The following PCARE variants were observed in gnomAD, a reference collection of about 807,000 sequenced individuals.
PCARE encodes uncharacterized protein C2orf71.
PCARE carries 72 observed loss-of-function variants against 82.2 expected under a neutral mutation model. The ratio of observed to expected loss-of-function variants is 0.88; its 90% confidence interval spans 0.72 to 1.07. The LOEUF is 1.07. Ranked by LOEUF, PCARE falls within the 50% of genes least tolerant of loss-of-function variation. The probability of loss-of-function intolerance (pLI) is 0.00; values close to 1 mark genes in which losing one functional copy is unlikely to be tolerated. For synonymous variants in PCARE, 705 were observed against 634.8 expected (o/e 1.11, Z -1.66); for missense variants, 1,768 against 1,592.4 (o/e 1.11, Z -1.88).
Position 29,073,787 on chromosome 2 carries a change from G to A in PCARE, c.475C>T (p.His159Tyr). 1 of 1,614,214 alleles carries A rather than the reference G, an allele frequency of 6.2e-7. No individual in the cohort carries two copies. The highest frequency in any genetic ancestry group is 8.5e-7 in the Non-Finnish European group (1 of 1,180,048). The change falls in exon 1 of 2, where the codon CAC becomes TAC. Residue 159 changes from histidine (H) to tyrosine (Y), a missense_variant. By Grantham distance (83) the His-to-Tyr change is moderately conservative. Coordinates refer to ENST00000331664, the MANE Select transcript of PCARE (RefSeq NM_001029883.3). ...GCAGGGTGGATGGTTTGGTAGCAGTGGCTCTGTGTGCTTGACGTGTGACAT... is the reference window on the plus strand; with the variant it reads ...GCAGGGTGGATGGTTTGGTAGCAGTAGCTCTGTGTGCTTGACGTGTGACAT... Reference protein sequence around the residue: ...AKCHTSSTQSHCYQTIHPAHE... With the variant: ...AKCHTSSTQSYCYQTIHPAHE...
Position 29,071,113 on chromosome 2 carries a change from G to A in PCARE, c.3149C>T (p.Pro1050Leu), listed in dbSNP as rs1667470397. 6.3e-7 allele frequency: 1 copy of A among 1,592,948 alleles called. No homozygotes were observed. The highest frequency in any genetic ancestry group is 8.6e-7 in the Non-Finnish European group (1 of 1,169,016). Residue 1050 changes from proline to leucine, a missense_variant, in exon 1 of 2, where the codon CCA becomes CTA. Transcript: ENST00000331664. ...SPPTTKRRTSPPHQPKLPNPP... is the reference protein window; with the variant it reads ...SPPTTKRRTSLPHQPKLPNPP... ...GTTGGGCAACTTGGGCTGGTGCGGT[G>A]GGGAAGTTCGCCGCTTTGTGGTGGG...
At position 29,073,789 on chromosome 2, in the gene PCARE, C is replaced by T. The variant is rs780205235; in HGVS notation, c.473G>A (p.Ser158Asn). 1.2e-6 allele frequency: 2 copies of T among 1,614,232 alleles called. No homozygotes were observed. The highest frequency in any genetic ancestry group is 2.2e-5 in the East Asian group (1 of 44,888). Residue 158 changes from serine (S) to asparagine (N), a missense_variant, in exon 1 of 2, where the codon AGC becomes AAC. Physicochemically the swap from Ser to Asn is conservative, Grantham distance 46. Transcript: ENST00000331664. Reference sequence around the variant, plus strand: ...AGGGTGGATGGTTTGGTAGCAGTGGCTCTGTGTGCTTGACGTGTGACATTT... The same window carrying T: ...AGGGTGGATGGTTTGGTAGCAGTGGTTCTGTGTGCTTGACGTGTGACATTT... ...TAKCHTSSTQSHCYQTIHPAH... is the reference protein window; with the variant it reads ...TAKCHTSSTQNHCYQTIHPAH...
Position 29,072,747 on chromosome 2 carries a change from C to A in PCARE, c.1515G>T (p.Trp505Cys). 1 of 1,614,026 alleles carries A rather than the reference C, an allele frequency of 6.2e-7. No homozygotes were observed. The change falls in exon 1 of 2, where the codon TGG becomes TGT. Residue 505 changes from tryptophan to cysteine, a missense_variant. Physicochemically the swap from Trp to Cys is radical, Grantham distance 215. Transcript: ENST00000331664. ...DKMSSMSLCA[W>C]QEKTPHSRPQ... is the part of the protein sequence containing the mutation. ...GCCTTGAATGTGGAGTTTTTTCCTG[C>A]CAGGCACACAGACTCATGCTGCTCA...
chr2:29,064,642 A>G lies in PCARE; in HGVS notation c.*227T>C, dbSNP rs536483762. The G allele has an allele frequency of 9.6e-4, 584 of 611,056 alleles. 4 individuals carry two copies. In the South Asian group the frequency reaches 0.011, roughly 12 times the overall value. The allele number at this position is 611,056 out of a possible 1,614,324, so 37.9% of individuals were successfully genotyped here. On this transcript the variant is annotated 3_prime_UTR_variant, in exon 2 of 2. Coordinates refer to ENST00000331664, the MANE Select transcript of PCARE (RefSeq NM_001029883.3). ...ATTAAATACTGTCATTGTGGGGTCT[A>G]AAAGTTCTGGTTAACCTTTGAACCC...
Position 29,064,843 on chromosome 2 carries a change from G to A in PCARE, c.*26C>T, listed in dbSNP as rs376559125. ...ACACTTGGCCTTCTGGGGTGACTGC[G>A]TGAGTGTGGCCCCCTCGTCAGCCTG... On this transcript the variant is annotated 3_prime_UTR_variant, in exon 2 of 2. Transcript: ENST00000331664. 6 of 1,608,584 alleles carry A rather than the reference G, an allele frequency of 3.7e-6. No homozygotes were observed. Among genetic ancestry groups the A allele is most frequent in the South Asian group, 1.1e-5 (1 of 90,920 alleles).
At position 29,063,298 on chromosome 2, in the gene PCARE, T is replaced by C. The variant is rs138412208; in HGVS notation, c.*1571A>G. ...GGCCTGGGCACTGCCTGAGCACTTCTCTGAGATGAGGGCGGCAACAGGAGC... is the reference window on the plus strand; with the variant it reads ...GGCCTGGGCACTGCCTGAGCACTTCCCTGAGATGAGGGCGGCAACAGGAGC... On this transcript the variant is annotated 3_prime_UTR_variant, in exon 2 of 2. Transcript: ENST00000331664. 28 of 152,476 alleles carry C rather than the reference T, an allele frequency of 1.8e-4. No homozygotes were observed. Among genetic ancestry groups the C allele is most frequent in the African/African-American group, 6.3e-4 (26 of 41,590 alleles). 9.4% of individuals were successfully genotyped at this position (152,476 alleles called of 1,614,324 possible).
Position 29,065,029 on chromosome 2 carries a change from C to T in PCARE, c.3707G>A (p.Gly1236Glu). The T allele has an allele frequency of 6.4e-7, 1 of 1,554,664 alleles. No individual in the cohort carries two copies. The highest frequency in any genetic ancestry group is 2.4e-5 in the East Asian group (1 of 41,034). The change falls in exon 2 of 2, where the codon GGG (glycine) becomes GAG (glutamate). Residue 1236 changes from glycine to glutamate, a missense_variant. Transcript: ENST00000331664. ...EESPKKDTEP[G>E]SSPCSPELQG... ...CAGTTCAGGGGAACAGGGGCTGCTCCCCGGCTCTGTGTCCTTCTTAGGGCT... is the reference window on the plus strand; with the variant it reads ...CAGTTCAGGGGAACAGGGGCTGCTCTCCGGCTCTGTGTCCTTCTTAGGGCT...
At position 29,072,593 on chromosome 2, in the gene PCARE, C is replaced by T. The variant is rs1667511152; in HGVS notation, c.1669G>A (p.Val557Met). 1.2e-6 allele frequency: 2 copies of T among 1,614,044 alleles called. No homozygotes were observed. Among genetic ancestry groups the T allele is most frequent in the Middle Eastern group, 1.6e-4 (1 of 6,084 alleles). ...GACCAGTCCTGGTGCCCACAGGGCA[C>T]AGGGACAAACTTGATCCTTTCGCTG... ...SISERIKFVP[V>M]PCGHQDWSEE... Residue 557 changes from valine (V) to methionine (M), a missense_variant, in exon 1 of 2, where the codon GTG (valine) becomes ATG (methionine). Val to Met is a conservative substitution (Grantham distance 21). Coordinates refer to ENST00000331664, the MANE Select transcript of PCARE (RefSeq NM_001029883.3).
chr2:29,065,159 C>T, intron 1 of PCARE, 92 bp from the exon 2 acceptor site: 1 of 1,375,646 alleles, frequency 7.3e-7, no homozygotes. Context: ...CTTTCTGTCC[C>T]TCCCCAGCCC....
At chr2:29,070,053 G>A (rs1294710917) in intron 1 of PCARE, among the ~76,000 whole-genome samples, 2 of 152,172 alleles carry the variant, frequency 1.3e-5, no homozygotes, top group African/African-American at 4.8e-5. Flanking sequence ...CATGGGGTGT[G>A]TGGGGTTGAA....
Position 29,064,331 on chromosome 2 carries a change from T to G in PCARE, c.*538A>C. The G allele has an allele frequency of 5.9e-6, 1 of 168,526 alleles. No individual in the cohort carries two copies. The highest frequency in any genetic ancestry group is 1.3e-5 in the Non-Finnish European group (1 of 77,056). 10.4% of individuals were successfully genotyped at this position (168,526 alleles called of 1,614,324 possible). On this transcript the variant is annotated 3_prime_UTR_variant, in exon 2 of 2. Coordinates refer to ENST00000331664, the MANE Select transcript of PCARE (RefSeq NM_001029883.3). ...GGAGTGACGCAATAGTTACGGGCAA[T>G]GGAATGTAATAAAAAGAGCAGAGAG... is the stretch of plus-strand genomic sequence containing the variant.
chr2:29,071,355 T>C lies in PCARE; in HGVS notation c.2907A>G (p.Gln969=), dbSNP rs747247276. The change falls in exon 1 of 2, where the codon CAA becomes CAG. Residue 969 remains glutamine, a synonymous_variant. Coordinates refer to ENST00000331664, the MANE Select transcript of PCARE (RefSeq NM_001029883.3). ...AWHHSGPPSG[Q]NRTSESSLAR... ...CCAGGCTGGACTCTGAGGTCCTGTTTTGTCCAGATGGAGGGCCGGAGTGGT... is the reference window on the plus strand; with the variant it reads ...CCAGGCTGGACTCTGAGGTCCTGTTCTGTCCAGATGGAGGGCCGGAGTGGT... The C allele has an allele frequency of 1.2e-6, 2 of 1,613,740 alleles. No homozygotes were observed. Among genetic ancestry groups the C allele is most frequent in the Non-Finnish European group, 1.7e-6 (2 of 1,179,918 alleles).
In PCARE at chr2:29,073,975, G is replaced by A; in HGVS notation, c.287C>T (p.Thr96Ile). 1 of 1,614,192 alleles carries A rather than the reference G, an allele frequency of 6.2e-7. No individual in the cohort carries two copies. The highest frequency in any genetic ancestry group is 8.5e-7 in the Non-Finnish European group (1 of 1,180,024). The change falls in exon 1 of 2, where the codon ACC becomes ATC. Residue 96 changes from threonine to isoleucine, a missense_variant. Transcript: ENST00000331664. ...RKDMEGLIPG[T>I]KTSSSQLNKS... ...GTTCAGCTGGGATGAAGAGGTTTTG[G>A]TTCCTGGGATCAGTCCTTCCATATC...
Position 29,064,410 on chromosome 2 carries a change from G to T in PCARE, c.*459C>A. On this transcript the variant is annotated 3_prime_UTR_variant, in exon 2 of 2. Transcript: ENST00000331664. ...ATTTTGCTCTATTCTCTTCTTAGCT[G>T]TATGACCTTCAGCCAGACACTTGAG... 4.2e-6 allele frequency: 1 copy of T among 239,586 alleles called. No homozygotes were observed. The highest frequency in any genetic ancestry group is 5.1e-5 in the Admixed American group (1 of 19,718). 14.8% of individuals were successfully genotyped at this position (239,586 alleles called of 1,614,324 possible). A position where few individuals can be genotyped will look rare whatever the true frequency, so the allele number is the denominator to read the frequency against.
In PCARE at chr2:29,070,946, C is replaced by T. The variant is rs776132505; in HGVS notation, c.3316G>A (p.Glu1106Lys). ...SQEHKETRDS[E>K]DSQAVIAKVS... ...TTGGCTATGACTGCTTGGCTGTCTT[C>T]AGAGTCTCTTGTTTCCTTGTGCTCC... The change falls in exon 1 of 2, where the codon GAA (glutamate) becomes AAA (lysine). Residue 1106 changes from glutamate to lysine, a missense_variant. Transcript: ENST00000331664. 10 of 1,612,404 alleles carry T rather than the reference C, an allele frequency of 6.2e-6. No individual in the cohort carries two copies. In the Admixed American group the frequency reaches 1.5e-4, roughly 24 times the overall value.
chr2:29,062,590 C>T lies in PCARE; in HGVS notation c.*2279G>A, dbSNP rs1562393. The stretch of plus-strand genomic sequence containing the variant: ...CTGCGTGTTCTCCATGATACTGACC[C>T]CTTCTGTGGTGGAATAATCTGCCTG... On this transcript the variant is annotated 3_prime_UTR_variant, in exon 2 of 2. Transcript: ENST00000331664. 31,092 of 152,172 alleles carry T rather than the reference C, an allele frequency of 0.2. 3,683 individuals are homozygous for T. The highest frequency in any genetic ancestry group is 0.31 in the East Asian group (1,601 of 5,154). 9.4% of individuals were successfully genotyped at this position (152,172 alleles called of 1,614,324 possible).
chr2:29,070,413 C>T (rs993346121), intron 1 of PCARE, among the ~76,000 whole-genome samples, 181 bp downstream of exon 1: 1 of 152,138 alleles, frequency 6.6e-6, no homozygotes, highest in Non-Finnish European at 1.5e-5. Context: ...GATAAGAGCA[C>T]AGTAACTCAA....
chr2:29,071,046 G>T lies in PCARE; in HGVS notation c.3216C>A (p.Ser1072Arg), dbSNP rs1667468739. Residue 1072 changes from serine to arginine, a missense_variant, in exon 1 of 2, where the codon AGC becomes AGA. Physicochemically the swap from Ser to Arg is moderately radical, Grantham distance 110. Coordinates refer to ENST00000331664, the MANE Select transcript of PCARE (RefSeq NM_001029883.3). ...ESAPAQCKVPSPPTQHPEASP... is the reference protein window; with the variant it reads ...ESAPAQCKVPRPPTQHPEASP... ...TTGCTTCTGGGTGCTGGGTTGGGGG[G>T]CTGGGGACCTTGCACTGAGCAGGTG... 3 of 1,275,438 alleles carry T rather than the reference G, an allele frequency of 2.4e-6. No individual in the cohort carries two copies. The highest frequency in any genetic ancestry group is 8.0e-5 in the East Asian group (2 of 25,034). The allele number at this position is 1,275,438 out of a possible 1,614,324, so 79.0% of individuals were successfully genotyped here.
Position 29,073,820 on chromosome 2 carries a change from T to A in PCARE, c.442A>T (p.Thr148Ser). Reference protein sequence around the residue: ...STQDTSKWKRTAKCHTSSTQS... With the variant: ...STQDTSKWKRSAKCHTSSTQS... ...GTGCTTGACGTGTGACATTTTGCTG[T>A]CCTTTTCCATTTGGAAGTATCTTGG... The change falls in exon 1 of 2, where the codon ACA becomes TCA. Residue 148 changes from threonine (T) to serine (S), a missense_variant. Thr to Ser is a moderately conservative substitution (Grantham distance 58). Coordinates refer to ENST00000331664, the MANE Select transcript of PCARE (RefSeq NM_001029883.3). 1 of 1,614,224 alleles carries A rather than the reference T, an allele frequency of 6.2e-7. No homozygotes were observed. The highest frequency in any genetic ancestry group is 8.5e-7 in the Non-Finnish European group (1 of 1,180,028).
Sources: allele counts gnomAD v4.1 joint callset (sites outside exome capture counted in the v4.1 genomes callset), GRCh38; gene constraint gnomAD v4.1.1; transcripts MANE v1.5; gene names NCBI Gene and HGNC (gene_info 2026-07-23, HGNC 2026-07-21).